The following CLNS1A variants were observed in gnomAD, a reference collection of about 807,000 sequenced individuals.
CLNS1A encodes the protein methylosome subunit pICln.
A neutral mutation model predicts 29.4 loss-of-function variants in CLNS1A; 16 were observed. The ratio of observed to expected loss-of-function variants is 0.54; its 90% CI spans 0.37 to 0.83. CLNS1A has a LOEUF of 0.83. Among genes scored for constraint, CLNS1A ranks in the 40% least tolerant of loss-of-function variants. The probability of loss-of-function intolerance (pLI) is 0.00; values close to 1 mark genes in which losing one functional copy is unlikely to be tolerated. For synonymous variants in CLNS1A, 96 were observed against 104.8 expected (o/e 0.92, Z 0.51); for missense variants, 235 against 287.4 (o/e 0.82, Z 1.32).
At chr11:77,627,830 CT>C (rs1215341552) in intron 2 of CLNS1A, among the ~76,000 whole-genome samples, 2 of 151,862 alleles carry the variant, frequency 1.3e-5, no homozygotes, top group Non-Finnish European at 2.9e-5. Flanking sequence ...AGAGTTCTTA[CT>C]TTTTTTTCTT....
Position 77,616,172 on chromosome 11 carries a change from A to G in CLNS1A, c.*546T>C, listed in dbSNP as rs1006120696. 2.0e-5 allele frequency: 3 copies of G among 152,240 alleles called. No homozygotes were observed. Among genetic ancestry groups the G allele is most frequent in the Non-Finnish European group, 4.4e-5 (3 of 68,024 alleles). 9.4% of individuals were successfully genotyped at this position (152,240 alleles called of 1,614,324 possible). Reference sequence around the variant, plus strand: ...AAAGTAATATAGAAAACCTAGGTTTATTTGTTAAGCTATTACAAAAACAAA... The same window carrying G: ...AAAGTAATATAGAAAACCTAGGTTTGTTTGTTAAGCTATTACAAAAACAAA... On this transcript the variant is annotated 3_prime_UTR_variant, in exon 7 of 7. Coordinates refer to ENST00000525428, the MANE Select transcript of CLNS1A (RefSeq NM_001293.3).
Position 77,615,936 on chromosome 11 carries a change from G to C in CLNS1A, c.*782C>G, listed in dbSNP as rs1349888431. ...TTGATAAATATAAGAAATTACTGCT[G>C]ATCTAAAAGGAAGTGGCAGAAATCC... On this transcript the variant is annotated 3_prime_UTR_variant, in exon 7 of 7. Transcript: ENST00000525428. The C allele has an allele frequency of 3.3e-5, 5 of 152,158 alleles. No homozygotes were observed. Among genetic ancestry groups the C allele is most frequent in the Non-Finnish European group, 5.9e-5 (4 of 68,022 alleles). The allele number at this position is 152,158 out of a possible 1,614,324, so 9.4% of individuals were successfully genotyped here. A position where few individuals can be genotyped will look rare whatever the true frequency, so the allele number is the denominator to read the frequency against.
At chr11:77,622,129 A>G (rs1654894734) in intron 5 of CLNS1A, 1 of 456,132 alleles carries the variant, frequency 2.2e-6, no homozygotes, top group African/African-American at 2.0e-5. Context: ...ATAAAATTCT[A>G]TTGTTTGAGC....
rs368340356 is a variant in CLNS1A at position 77,614,931 on chromosome 11, G to A, written c.*1787C>T. ...TCAGCTTCTATTTTCTCAATGCTACGGTTCTAACTATCTAGTGAATGTTAC... is the reference window on the plus strand; with the variant it reads ...TCAGCTTCTATTTTCTCAATGCTACAGTTCTAACTATCTAGTGAATGTTAC... On this transcript the variant is annotated 3_prime_UTR_variant, in exon 7 of 7. Transcript: ENST00000525428. 3.3e-5 allele frequency: 5 copies of A among 151,986 alleles called. No homozygotes were observed. Among genetic ancestry groups the A allele is most frequent in the African/African-American group, 1.2e-4 (5 of 41,344 alleles). 9.4% of individuals were successfully genotyped at this position (151,986 alleles called of 1,614,324 possible).
At chr11:77,634,365 G>GTA (rs1019554746) in intron 1 of CLNS1A, among the ~76,000 whole-genome samples, 2 of 152,150 alleles carry the variant, frequency 1.3e-5, no homozygotes, top group Admixed American at 1.3e-4. Flanking sequence ...CGGCTGGACT[G>GTA]TATATATATG....
chr11:77,626,048 G>A (rs1959015197), intron 2 of CLNS1A, among the ~76,000 whole-genome samples: 1 of 151,908 alleles, frequency 6.6e-6, no homozygotes, highest in South Asian at 2.1e-4. Context: ...CTCCCTCCGC[G>A]CCTCACCGGG....
intron 5 of CLNS1A, among the ~76,000 whole-genome samples, chr11:77,620,616 T>C (rs535674834): frequency 3.9e-5 from 6 of 152,134 alleles, no homozygotes; most frequent in Non-Finnish European, 7.4e-5. Flanking sequence ...CTGGCCAACA[T>C]GGCAAAACCC....
At chr11:77,629,968 A>G in intron 1 of CLNS1A, 69 bp from the exon 2 acceptor site, 1 of 1,471,106 alleles carries the variant, frequency 6.8e-7, no homozygotes, top group Non-Finnish European at 9.4e-7. Flanking sequence ...AAAGTATATA[A>G]AAGTTCAGCT....
At chr11:77,635,935 G>A (rs374473639) in intron 1 of CLNS1A, among the ~76,000 whole-genome samples, 32 of 152,162 alleles carry the variant, frequency 2.1e-4, no homozygotes, top group South Asian at 1.5e-3. Flanking sequence ...ACCCGTCGGC[G>A]TATCCCTAGG....
intron 5 of CLNS1A, among the ~76,000 whole-genome samples, chr11:77,620,859 G>A (rs1333521919): frequency 6.6e-6 from 1 of 150,488 alleles, no homozygotes; most frequent in Non-Finnish European, 1.5e-5. Flanking sequence ...GCACATGCCT[G>A]TAATCCCAAC....
intron 1 of CLNS1A, among the ~76,000 whole-genome samples, chr11:77,630,589 G>A (rs1477892683): frequency 6.6e-6 from 1 of 152,148 alleles, no homozygotes; most frequent in African/African-American, 2.4e-5. Context: ...GTCTTTAAGA[G>A]AAAGCCACAG....
rs1959000705 is a variant in CLNS1A at position 77,624,944 on chromosome 11, T to G, written c.472+19A>C. ...CACTAAACAAACAAAAAACCCACTT[T>G]AAAATCCATTTCACTAACCATGTGC... On this transcript the variant is annotated intron_variant, in intron 4 of 6. Coordinates refer to ENST00000525428, the MANE Select transcript of CLNS1A (RefSeq NM_001293.3). The G allele has an allele frequency of 1.9e-6, 3 of 1,539,398 alleles. No individual in the cohort carries two copies. Among genetic ancestry groups the G allele is most frequent in the South Asian group, 2.3e-5 (2 of 87,686 alleles).
intron 6 of CLNS1A, among the ~76,000 whole-genome samples, chr11:77,619,068 T>C (rs1958931585): frequency 6.6e-6 from 1 of 152,222 alleles, no homozygotes; most frequent in African/African-American, 2.4e-5. Flanking sequence ...ACTACTACAA[T>C]TACTGGTTCT....
chr11:77,630,979 G>A (rs142515668), intron 1 of CLNS1A, among the ~76,000 whole-genome samples: 300 of 152,272 alleles, frequency 2.0e-3, no homozygotes, highest in African/African-American at 6.8e-3. Flanking sequence ...TATGCTATAT[G>A]AATTATTTTT....
At chr11:77,632,213 G>A (rs1565129714) in intron 1 of CLNS1A, among the ~76,000 whole-genome samples, 3 of 152,186 alleles carry the variant, frequency 2.0e-5, no homozygotes, top group Admixed American at 6.5e-5. Flanking sequence ...TAATGCCCAA[G>A]TATCACGAGT....
At chr11:77,631,840 C>G (rs978713238) in intron 1 of CLNS1A, among the ~76,000 whole-genome samples, 2 of 152,048 alleles carry the variant, frequency 1.3e-5, no homozygotes, top group African/African-American at 4.8e-5. Flanking sequence ...AGGGTTCAGG[C>G]GATTCTCCTG....
intron 1 of CLNS1A, 111 bp downstream of exon 1, chr11:77,637,479 C>G: frequency 6.5e-6 from 9 of 1,393,412 alleles, no homozygotes; most frequent in Non-Finnish European, 8.6e-6. Flanking sequence ...CACGAGACCC[C>G]GCTCCCAGCA....
At chr11:77,637,443 G>A (rs1395176132) in intron 1 of CLNS1A, 147 bp downstream of exon 1, 1 of 1,005,196 alleles carries the variant, frequency 9.9e-7, no homozygotes, top group Non-Finnish European at 1.4e-6. Context: ...CCTTCCACCC[G>A]CTACAGGTAT....
At chr11:77,628,361 T>C (rs536944102) in intron 2 of CLNS1A, among the ~76,000 whole-genome samples, 1 of 152,356 alleles carries the variant, frequency 6.6e-6, no homozygotes, top group South Asian at 2.1e-4. Flanking sequence ...TATAAAATCA[T>C]AGTTGCATTT....
Sources: gnomAD v4.1 joint callset for allele counts (sites outside exome capture counted in the v4.1 genomes callset) on GRCh38, gnomAD v4.1.1 for gene constraint, MANE v1.5 for transcripts, NCBI Gene and HGNC (gene_info 2026-07-23, HGNC 2026-07-21) for gene names.